CTNNA2: variants seen among roughly 807,000 people sequenced by gnomAD.
CTNNA2 encodes the protein catenin alpha-2.
CTNNA2 carries 42 observed loss-of-function variants against 101.0 expected under a neutral mutation model. The observed-to-expected ratio is 0.42, with a 90% confidence interval of 0.32 to 0.54. CTNNA2 has a LOEUF of 0.54. Ranked by LOEUF, CTNNA2 falls within the 20% of genes least tolerant of loss-of-function variation. The probability of loss-of-function intolerance (pLI) is 0.14; values close to 1 mark genes in which losing one functional copy is unlikely to be tolerated. For missense variants in CTNNA2, 871 were observed against 1,223.1 expected, an observed-to-expected ratio of 0.71 and a Z score of 4.29; for synonymous variants, 450 against 456.4, an observed-to-expected ratio of 0.99 and a Z score of 0.18.
intron 4 of CTNNA2, among the ~76,000 whole-genome samples, chr2:79,381,436 A>G (rs554576578): frequency 6.6e-6 from 1 of 152,334 alleles, no homozygotes; most frequent in African/African-American, 2.4e-5. Flanking sequence ...TCACTGAAGT[A>G]TTTGCATCTT....
At position 80,608,252 on chromosome 2, in the gene CTNNA2, G is replaced by C; in HGVS notation, c.2364G>C (p.Gln788His). The change falls in exon 17 of 19, where the codon CAG (glutamine) becomes CAC (histidine). Residue 788 changes from glutamine to histidine, a missense_variant. Physicochemically the swap from Gln to His is conservative, Grantham distance 24 (BLOSUM62 0). This residue lies in a region of CTNNA2 where 93 missense variants were observed against 223.7 expected (regional missense o/e 0.42). Transcript: ENST00000402739. ...YLQRIALYCH[Q>H]LNICSKVKAE... The stretch of plus-strand genomic sequence containing the variant: ...AACGAATTGCCTTGTATTGCCATCA[G>C]CTTAATATCTGCAGCAAGGTGAAGG... 1 of 1,611,070 alleles carries C rather than the reference G, an allele frequency of 6.2e-7. No homozygotes were observed.
chr2:80,349,393 G>C (rs919816788), intron 7 of CTNNA2, among the ~76,000 whole-genome samples: 4 of 152,118 alleles, frequency 2.6e-5, no homozygotes, highest in Non-Finnish European at 4.4e-5. Flanking sequence ...TTGGGGATGG[G>C]TATATTCTGG....
chr2:79,443,253 G>A (rs968806274), intron 4 of CTNNA2, among the ~76,000 whole-genome samples: 2 of 152,114 alleles, frequency 1.3e-5, no homozygotes, highest in Non-Finnish European at 2.9e-5. Context: ...GCTAGCCCAG[G>A]CCCAAAAGCC....
intron 11 of CTNNA2, among the ~76,000 whole-genome samples, chr2:80,548,028 G>C (rs906280577): frequency 1.6e-4 from 24 of 152,072 alleles, no homozygotes; most frequent in Non-Finnish European, 2.8e-4. Context: ...TTGCTTTGCT[G>C]ATAGCTGAGT....
chr2:80,575,789 T>A (rs80061427), intron 13 of CTNNA2, among the ~76,000 whole-genome samples: 1 of 151,734 alleles, frequency 6.6e-6, no homozygotes, highest in Non-Finnish European at 1.5e-5. Context: ...CACACACACA[T>A]ACACACACAC....
rs115296994 is a variant in CTNNA2 at position 80,101,820 on chromosome 2, C to T, written c.1056+192023C>T. Among the ~76,000 whole-genome samples the T allele has an allele frequency of 5.8e-3, 883 of 152,208 alleles. 11 individuals carry two copies. Among genetic ancestry groups the T allele is most frequent in the African/African-American group, 0.02 (844 of 41,546 alleles). On this transcript the variant is annotated intron_variant, in intron 7 of 18. Transcript: ENST00000402739. ...CTTCTTTGTTCTTGAGTTTCAAGTACATAGATTCCCAAGGGTGTAGAAATA... is the reference window on the plus strand; with the variant it reads ...CTTCTTTGTTCTTGAGTTTCAAGTATATAGATTCCCAAGGGTGTAGAAATA...
chr2:79,740,072 T>C (rs191187818), intron 2 of CTNNA2, among the ~76,000 whole-genome samples: 54 of 152,304 alleles, frequency 3.5e-4, no homozygotes, highest in African/African-American at 1.2e-3. Context: ...TAGGTAAACT[T>C]GCGTGAAGGG....
chr2:79,453,451 A>G (rs1256409927), intron 4 of CTNNA2, among the ~76,000 whole-genome samples: 1 of 152,184 alleles, frequency 6.6e-6, no homozygotes, highest in Non-Finnish European at 1.5e-5. Context: ...ATGAAAATTT[A>G]CAAGCTGTTA....
chr2:79,263,791 G>T (rs1674953531), intron 2 of CTNNA2, among the ~76,000 whole-genome samples: 1 of 152,100 alleles, frequency 6.6e-6, no homozygotes, highest in South Asian at 2.1e-4. Context: ...AGCAGGAAGG[G>T]TCTCCCCAGA....
At chr2:80,023,850 G>A (rs1328075166) in intron 7 of CTNNA2, among the ~76,000 whole-genome samples, 1 of 152,158 alleles carries the variant, frequency 6.6e-6, no homozygotes, top group Non-Finnish European at 1.5e-5. Flanking sequence ...CACTTTGGGA[G>A]GCCGAGGCGG....
chr2:80,077,933 A>T (rs1157446546), intron 7 of CTNNA2, among the ~76,000 whole-genome samples: 2 of 152,246 alleles, frequency 1.3e-5, no homozygotes, highest in Admixed American at 1.3e-4. Context: ...AAATAAGTAC[A>T]TTATATAACT....
chr2:79,287,020 T>C (rs1675614553), intron 2 of CTNNA2, among the ~76,000 whole-genome samples: 2 of 152,216 alleles, frequency 1.3e-5, no homozygotes, highest in South Asian at 4.1e-4. Flanking sequence ...CTTCCATCGC[T>C]GATACCCTTT....
At chr2:80,549,708 T>C (rs1173005035) in intron 11 of CTNNA2, among the ~76,000 whole-genome samples, 1 of 152,200 alleles carries the variant, frequency 6.6e-6, no homozygotes, top group Non-Finnish European at 1.5e-5. Context: ...CTTTACTTCA[T>C]GAATTCTTTC....
rs1491138730 is a variant in CTNNA2 at position 80,553,233 on chromosome 2, AAT to A, written c.1541-2458_1541-2457del. On this transcript the variant is annotated intron_variant, in intron 11 of 18. Transcript: ENST00000402739. ...AGGGAGACTCCGTCTCAAAAAAAAA[AAT>A]AAAATAAAATAAAATAAAATTAGTC... is the stretch of plus-strand genomic sequence containing the variant. Among the ~76,000 whole-genome samples, 70 of 122,320 alleles carry A rather than the reference AAT, an allele frequency of 5.7e-4. No individual in the cohort carries two copies. The Middle Eastern group carries it at 0.012, about 21-fold the overall frequency. 80.2% of individuals were successfully genotyped at this position (122,320 alleles called of 152,430 possible). A position where few individuals can be genotyped will look rare whatever the true frequency, so the allele number is the denominator to read the frequency against.
intron 8 of CTNNA2, among the ~76,000 whole-genome samples, chr2:80,394,076 G>C (rs547211694): frequency 1.4e-4 from 21 of 152,250 alleles, no homozygotes; most frequent in African/African-American, 4.3e-4. Context: ...TGTAGCTTTG[G>C]CTATGTCCAT....
At chr2:79,933,865 T>C (rs1687614913) in intron 7 of CTNNA2, among the ~76,000 whole-genome samples, 1 of 152,218 alleles carries the variant, frequency 6.6e-6, no homozygotes, top group Admixed American at 6.5e-5. Flanking sequence ...TTTTAGTTTT[T>C]TAACATTTTT....
In CTNNA2 at chr2:79,807,945, G is replaced by A. The variant is rs531500375; in HGVS notation, c.299-50068G>A. On this transcript the variant is annotated intron_variant, in intron 3 of 18. Coordinates refer to ENST00000402739, the MANE Select transcript of CTNNA2 (RefSeq NM_001282597.3). ...GTAGATAACCTAAACTTCCAAAATA[G>A]GATCACTTTTCAGATTTTTCAAGTA... Among the ~76,000 whole-genome samples, 3 of 152,122 alleles carry A rather than the reference G, an allele frequency of 2.0e-5. No homozygotes were observed. The East Asian group carries it at 5.8e-4, about 29-fold the overall frequency.
rs553970240 is a variant in CTNNA2, at chr2:79,545,519, CA to C, written c.-6+32313del. 2.2e-4 allele frequency among the ~76,000 whole-genome samples: 33 copies of C among 152,296 alleles called. No individual in the cohort carries two copies. In the South Asian group the frequency reaches 6.4e-3, roughly 30 times the overall value. On this transcript the variant is annotated intron_variant, in intron 1 of 18. Transcript: ENST00000402739. ...CTTGATCTGTTGGCTTTTGTTATAG[CA>C]GGTGGCCTCATATCCTAATTACATC...
At chr2:79,940,959 C>T (rs1041521890) in intron 7 of CTNNA2, among the ~76,000 whole-genome samples, 15 of 152,088 alleles carry the variant, frequency 9.9e-5, no homozygotes, top group Non-Finnish European at 1.6e-4. Flanking sequence ...CATTGTAAGT[C>T]GAGGACCATG....
Sources: gnomAD v4.1 joint callset for allele counts (sites outside exome capture counted in the v4.1 genomes callset) on GRCh38, gnomAD v4.1.1 for gene constraint, gnomAD v4.1.1 regional missense constraint, MANE v1.5 for transcripts, NCBI Gene and HGNC (gene_info 2026-07-23, HGNC 2026-07-21) for gene names.